ANO1: variants seen among roughly 807,000 people sequenced by gnomAD.
The protein encoded by ANO1 is anoctamin 1, also known as anoctamin-1.
ANO1 carries 59 observed loss-of-function variants against 124.0 expected under a neutral mutation model. The ratio of observed to expected loss-of-function variants is 0.48; its 90% confidence interval spans 0.39 to 0.59. The LOEUF is 0.59. Ranked by LOEUF, ANO1 falls within the 20% of genes least tolerant of loss-of-function variation. The probability of loss-of-function intolerance (pLI) is 0.00; values close to 1 mark genes in which losing one functional copy is unlikely to be tolerated. For missense variants in ANO1, 1,059 were observed against 1,328.0 expected (o/e 0.80, Z 3.15); for synonymous variants, 529 against 532.0 (o/e 0.99, Z 0.08).
intron 1 of ANO1, among the ~76,000 whole-genome samples, chr11:69,992,562 T>A (rs1171388038): frequency 7.9e-5 from 12 of 152,172 alleles, no homozygotes; most frequent in African/African-American, 2.9e-4. Flanking sequence ...ACTCAGATGC[T>A]GAGAGAAAAG....
intron 14 of ANO1, among the ~76,000 whole-genome samples, chr11:70,153,644 ATCG>A (rs1289667331): frequency 6.6e-6 from 1 of 152,212 alleles, no homozygotes; most frequent in Non-Finnish European, 1.5e-5. Flanking sequence ...TCTTGAGGTC[ATCG>A]TCTTTTTATA....
chr11:69,980,034 C>T, the ANO1 span, among the ~76,000 whole-genome samples: 1 of 152,126 alleles, frequency 6.6e-6, no homozygotes, highest in Non-Finnish European at 1.5e-5. Context: ...AGTGCTTCTT[C>T]CTCTCCACTT....
intron 23 of ANO1, 82 bp from the exon 24 acceptor site, chr11:70,182,420 T>C: frequency 8.2e-7 from 1 of 1,223,412 alleles, no homozygotes; most frequent in Non-Finnish European, 1.1e-6. Context: ...CCAGTGTAAC[T>C]GTGGATGGGT....
chr11:70,170,967 G>A lies in ANO1; in HGVS notation c.2278G>A (p.Glu760Lys). The change falls in exon 22 of 26, where the codon GAG becomes AAG. Residue 760 changes from glutamate to lysine, a missense_variant. Coordinates refer to ENST00000355303, the MANE Select transcript of ANO1 (RefSeq NM_018043.7). ...GTTTGCGCTGCTGAACAACATCATC[G>A]AGATCCGCCTGGACGCCAAAAAGTT... is the stretch of plus-strand genomic sequence containing the variant. Reference protein sequence around the residue: ...PLFALLNNIIEIRLDAKKFVT... With the variant: ...PLFALLNNIIKIRLDAKKFVT... The A allele has an allele frequency of 6.2e-7, 1 of 1,613,228 alleles. No homozygotes were observed. The highest frequency in any genetic ancestry group is 8.5e-7 in the Non-Finnish European group (1 of 1,179,634).
At chr11:70,066,289 G>C (rs1270522225) in intron 1 of ANO1, among the ~76,000 whole-genome samples, 2 of 152,154 alleles carry the variant, frequency 1.3e-5, no homozygotes, top group Non-Finnish European at 2.9e-5. Context: ...GGGCACTAAG[G>C]GTCCCAGGCC....
chr11:70,086,075 C>T (rs751769466), intron 1 of ANO1, among the ~76,000 whole-genome samples: 11 of 152,226 alleles, frequency 7.2e-5, no homozygotes, highest in Non-Finnish European at 1.0e-4. Flanking sequence ...GCCCTCTTCT[C>T]GGATGATGCC....
Position 70,113,816 on chromosome 11 carries a change from T to A in ANO1, c.855+2054T>A, listed in dbSNP as rs576643164. Among the ~76,000 whole-genome samples, 226 of 152,208 alleles carry A rather than the reference T, an allele frequency of 1.5e-3. 2 individuals are homozygous for A. The highest frequency in any genetic ancestry group is 2.2e-3 in the Admixed American group (34 of 15,302). ...AAGGAACTGTACCTCATATAACCTG[T>A]GCAGACACAGAGACTCAGAAAGGCT... is the stretch of plus-strand genomic sequence containing the variant. On this transcript the variant is annotated intron_variant, in intron 7 of 25. Coordinates refer to ENST00000355303, the MANE Select transcript of ANO1 (RefSeq NM_018043.7).
chr11:70,033,224 C>T (rs533304830), intron 1 of ANO1, among the ~76,000 whole-genome samples: 1 of 152,276 alleles, frequency 6.6e-6, no homozygotes, highest in South Asian at 2.1e-4. Context: ...TCCCGTTTTC[C>T]TGACAAGGAA....
chr11:70,119,616 G>A (rs899459646), intron 8 of ANO1, among the ~76,000 whole-genome samples: 3 of 151,420 alleles, frequency 2.0e-5, no homozygotes, highest in Admixed American at 6.6e-5. Context: ...GATGGATGCT[G>A]GAGGAATGAA....
intron 22 of ANO1, among the ~76,000 whole-genome samples, chr11:70,176,285 T>C (rs374148683): frequency 6.6e-6 from 1 of 151,868 alleles, no homozygotes; most frequent in East Asian, 1.9e-4. Flanking sequence ...GTAGCTGGGA[T>C]TGCAGGTGTG....
In ANO1 at chr11:70,078,388, C is replaced by G. The variant is rs1226307506; in HGVS notation, c.-219C>G. On this transcript the variant is annotated 5_prime_UTR_variant, in exon 1 of 26. Transcript: ENST00000355303. The stretch of plus-strand genomic sequence containing the variant: ...AGCCGGGTGGCGGCGCGATCGGCCC[C>G]GAGAGGCTCAGGCGCCCCCCGCATC... The G allele has an allele frequency of 6.7e-6, 1 of 148,610 alleles. No individual in the cohort carries two copies. The allele number at this position is 148,610 out of a possible 1,614,324, so 9.2% of individuals were successfully genotyped here. A position where few individuals can be genotyped will look rare whatever the true frequency, so the allele number is the denominator to read the frequency against.
the ANO1 span, among the ~76,000 whole-genome samples, chr11:69,976,343 TA>T: frequency 2.6e-5 from 4 of 151,452 alleles, no homozygotes; most frequent in Non-Finnish European, 1.5e-5. Context: ...CCCCGTCTAC[TA>T]AAAATACAAA....
At chr11:69,974,597 G>T in the ANO1 span, among the ~76,000 whole-genome samples, 120 of 152,346 alleles carry the variant, frequency 7.9e-4, no homozygotes, top group African/African-American at 2.8e-3. Context: ...TGGACCCAGG[G>T]ATGGGGGACC....
rs34716436 is a variant in ANO1, at chr11:70,132,007, G to A, written c.1186G>A (p.Ala396Thr). 8.7e-6 allele frequency: 14 copies of A among 1,607,374 alleles called. No individual in the cohort carries two copies. Among genetic ancestry groups the A allele is most frequent in the South Asian group, 4.4e-5 (4 of 90,380 alleles). Residue 396 changes from alanine to threonine, a missense_variant, in exon 11 of 26, where the codon GCC (alanine) becomes ACC (threonine). Physicochemically the swap from Ala to Thr is moderately conservative, Grantham distance 58. Around this residue, in one of 2 missense-constraint regions of ANO1, gnomAD observed 809 missense variants for 1,094.9 expected, o/e 0.74. Coordinates refer to ENST00000355303, the MANE Select transcript of ANO1 (RefSeq NM_018043.7). ...CSYWKMSSAC[A>T]TARASHLFDN... ...CTACTGGAAGATGAGCTCAGCCTGC[G>A]CCACGGCCCGCGCCAGCCACCTCTT... is the stretch of plus-strand genomic sequence containing the variant.
intron 8 of ANO1, chr11:70,116,718 A>G: frequency 3.7e-6 from 2 of 542,768 alleles, no homozygotes; most frequent in East Asian, 3.2e-5. Context: ...CTGATTGTCA[A>G]AAATGCCCTT....
At chr11:70,132,524 G>A (rs1400255903) in intron 11 of ANO1, among the ~76,000 whole-genome samples, 1 of 152,148 alleles carries the variant, frequency 6.6e-6, no homozygotes, top group East Asian at 1.9e-4. Flanking sequence ...GGCTTCATGT[G>A]CCCATTTTCG....
the ANO1 span, among the ~76,000 whole-genome samples, chr11:69,968,005 G>C: frequency 6.6e-6 from 1 of 152,162 alleles, no homozygotes; most frequent in East Asian, 1.9e-4. Flanking sequence ...CTGCTCAGTG[G>C]AGGTGGGGTG....
intron 8 of ANO1, among the ~76,000 whole-genome samples, chr11:70,118,194 C>T (rs970385720): frequency 1.3e-5 from 2 of 152,158 alleles, no homozygotes; most frequent in Admixed American, 1.3e-4. Flanking sequence ...CCTACCCCCT[C>T]TTCCCCCTCC....
chr11:70,151,954 C>T (rs538532802), intron 12 of ANO1, among the ~76,000 whole-genome samples: 15 of 152,292 alleles, frequency 9.8e-5, no homozygotes. Flanking sequence ...CAGTCACCCT[C>T]AAGCAGCAGT....
Sources: allele counts gnomAD v4.1 joint callset (sites outside exome capture counted in the v4.1 genomes callset), GRCh38; gene constraint gnomAD v4.1.1; regional missense constraint gnomAD v4.1.1; transcripts MANE v1.5; gene names NCBI Gene and HGNC (gene_info 2026-07-23, HGNC 2026-07-21).